AGBL4: variants seen among roughly 807,000 people sequenced by gnomAD.
AGBL4 encodes AGBL carboxypeptidase 4, also known as cytosolic carboxypeptidase 6.
AGBL4 carries 58 observed loss-of-function variants against 66.4 expected under a neutral mutation model. The observed-to-expected ratio is 0.87, with a 90% confidence interval of 0.71 to 1.09. AGBL4 has a LOEUF of 1.09. AGBL4 is among the 50% of genes least tolerant of loss of function. The pLI is 0.00. For synonymous variants in AGBL4, 234 were observed against 222.9 expected, an observed-to-expected ratio of 1.05 and a Z score of -0.44; for missense variants, 579 against 631.0, an observed-to-expected ratio of 0.92 and a Z score of 0.88.
At position 49,566,053 on chromosome 1, in the gene AGBL4, G is replaced by A. The variant is rs556241042; in HGVS notation, c.282+131260C>T. ...CTTCATGCTTCATTTCATTCATTTC[G>A]TCTTCCATCGCTGATACCCTTTCTT... On this transcript the variant is annotated intron_variant, in intron 3 of 13. Coordinates refer to ENST00000371839, the MANE Select transcript of AGBL4 (RefSeq NM_032785.4). Among the ~76,000 whole-genome samples, 523 of 151,328 alleles carry A rather than the reference G, an allele frequency of 3.5e-3. 1 individual carries two copies. Among genetic ancestry groups the A allele is most frequent in the African/African-American group, 0.012 (485 of 41,202 alleles).
intron 1 of AGBL4, among the ~76,000 whole-genome samples, chr1:50,019,295 C>CTG (rs1662245466): frequency 5.2e-5 from 6 of 114,658 alleles, no homozygotes; most frequent in Admixed American, 4.1e-4. Flanking sequence ...CTCTCTCTCT[C>CTG]TCTCTCTCTC....
chr1:49,813,685 G>A (rs1340249654), intron 2 of AGBL4, among the ~76,000 whole-genome samples: 1 of 152,090 alleles, frequency 6.6e-6, no homozygotes, highest in Non-Finnish European at 1.5e-5. Context: ...CTATTCTCAG[G>A]GAGGTTACAT....
At chr1:48,571,405 A>G (rs1644561258) in intron 11 of AGBL4, among the ~76,000 whole-genome samples, 1 of 152,202 alleles carries the variant, frequency 6.6e-6, no homozygotes, top group Non-Finnish European at 1.5e-5. Flanking sequence ...GGTGTGAAGG[A>G]TGCACTTTAC....
rs566409481 is a variant in AGBL4 at position 48,707,935 on chromosome 1, G to A, written c.635-44694C>T. ...GAGAGTGATGCTCTCTGAATGGAAA[G>A]GGGCAGGGGAGGAAAAGAACATTGG... On this transcript the variant is annotated intron_variant, in intron 6 of 13. Coordinates refer to ENST00000371839, the MANE Select transcript of AGBL4 (RefSeq NM_032785.4). Among the ~76,000 whole-genome samples, 22 of 152,288 alleles carry A rather than the reference G, an allele frequency of 1.4e-4. No individual in the cohort carries two copies. The Middle Eastern group carries it at 0.014, about 94-fold the overall frequency.
intron 2 of AGBL4, among the ~76,000 whole-genome samples, chr1:49,731,077 T>C (rs553535500): frequency 1.3e-5 from 2 of 152,242 alleles, no homozygotes; most frequent in Non-Finnish European, 2.9e-5. Flanking sequence ...CAGACACAGA[T>C]GAAAGACAGA....
intron 3 of AGBL4, among the ~76,000 whole-genome samples, chr1:49,417,029 C>G (rs1057398259): frequency 1.3e-5 from 2 of 151,998 alleles, no homozygotes; most frequent in Non-Finnish European, 2.9e-5. Context: ...GCACTTTCAC[C>G]CACTGTATTC....
chr1:49,441,931 C>A (rs1295930356), intron 3 of AGBL4, among the ~76,000 whole-genome samples: 1 of 152,146 alleles, frequency 6.6e-6, no homozygotes, highest in African/African-American at 2.4e-5. Context: ...GCAACATGGA[C>A]TTCCACTCAC....
At chr1:49,180,996 C>T (rs910727164) in intron 4 of AGBL4, among the ~76,000 whole-genome samples, 1 of 152,164 alleles carries the variant, frequency 6.6e-6, no homozygotes, top group South Asian at 2.1e-4. Context: ...AACCTCTCCT[C>T]AGCATGGTCT....
intron 5 of AGBL4, among the ~76,000 whole-genome samples, chr1:48,923,648 T>A (rs1288173900): frequency 6.6e-6 from 1 of 152,240 alleles, no homozygotes; most frequent in African/African-American, 2.4e-5. Context: ...GGAGCTGATT[T>A]CAATATTTGA....
intron 5 of AGBL4, among the ~76,000 whole-genome samples, chr1:48,994,148 A>G (rs1223584522): frequency 6.6e-6 from 1 of 152,116 alleles, no homozygotes. Context: ...TCCCACCTGT[A>G]TTCCAGCCAC....
intron 2 of AGBL4, among the ~76,000 whole-genome samples, chr1:49,817,161 A>C (rs1645252562): frequency 6.6e-6 from 1 of 152,198 alleles, no homozygotes; most frequent in African/African-American, 2.4e-5. Context: ...GAAATACAAG[A>C]CTGAGTTTGT....
At chr1:49,861,472 T>C (rs1294674349) in intron 1 of AGBL4, among the ~76,000 whole-genome samples, 1 of 152,114 alleles carries the variant, frequency 6.6e-6, no homozygotes, top group African/African-American at 2.4e-5. Flanking sequence ...GTCAGAGTAA[T>C]GAGGCCCCTG....
chr1:49,163,372 G>A (rs964502902), intron 4 of AGBL4, among the ~76,000 whole-genome samples: 4 of 152,140 alleles, frequency 2.6e-5, no homozygotes, highest in African/African-American at 4.8e-5. Flanking sequence ...TCATCCCTTT[G>A]TCACAGTTCA....
chr1:49,351,902 C>A (rs1643917701), intron 3 of AGBL4, among the ~76,000 whole-genome samples: 1 of 152,168 alleles, frequency 6.6e-6, no homozygotes, highest in Non-Finnish European at 1.5e-5. Context: ...ATATTCTAAG[C>A]CATGATGAAT....
intron 3 of AGBL4, among the ~76,000 whole-genome samples, chr1:49,285,278 C>T (rs1245366716): frequency 2.6e-5 from 4 of 152,026 alleles, no homozygotes; most frequent in Non-Finnish European, 5.9e-5. Flanking sequence ...CTACTGGATA[C>T]ATAACGAAAT....
At chr1:49,395,562 G>GGA (rs1644941322) in intron 3 of AGBL4, among the ~76,000 whole-genome samples, 1 of 149,444 alleles carries the variant, frequency 6.7e-6, no homozygotes, top group Non-Finnish European at 1.5e-5. Flanking sequence ...GTGTGTGTGT[G>GGA]TGATATTATA....
At chr1:48,559,787 C>T (rs1644369833) in intron 11 of AGBL4, among the ~76,000 whole-genome samples, 2 of 152,126 alleles carry the variant, frequency 1.3e-5, no homozygotes, top group Non-Finnish European at 2.9e-5. Flanking sequence ...TTCCCAGTCT[C>T]TGCCCCCTCC....
chr1:48,925,744 G>A (rs1005987332), intron 5 of AGBL4, among the ~76,000 whole-genome samples: 10 of 152,218 alleles, frequency 6.6e-5, no homozygotes, highest in East Asian at 1.9e-4. Context: ...CAGAACTTAC[G>A]GATATGGAGG....
chr1:49,911,612 C>A (rs1455839765), intron 1 of AGBL4, among the ~76,000 whole-genome samples: 1 of 152,160 alleles, frequency 6.6e-6, no homozygotes, highest in Non-Finnish European at 1.5e-5. Context: ...TTTTGTGAAA[C>A]CCCTAGTGGA....
Sources: gnomAD v4.1 joint callset for allele counts (sites outside exome capture counted in the v4.1 genomes callset) on GRCh38, gnomAD v4.1.1 for gene constraint, MANE v1.5 for transcripts, NCBI Gene and HGNC (gene_info 2026-07-23, HGNC 2026-07-21) for gene names.